The following AKR1C1 variants were observed in gnomAD, a reference collection of about 807,000 sequenced individuals.
AKR1C1 encodes the protein aldo-keto reductase family 1 member C1, also known as 20 alpha-hydroxysteroid dehydrogenase.
Under a neutral mutation model 40.6 loss-of-function variants are expected in AKR1C1, and 32 were observed. The observed-to-expected ratio is 0.79, with a 90% confidence interval of 0.60 to 1.06. The LOEUF is 1.06. Ranked by LOEUF, AKR1C1 falls within the 50% of genes least tolerant of loss-of-function variation. AKR1C1 has a pLI of 0.00. For missense variants in AKR1C1, 320 were observed against 363.5 expected, an observed-to-expected ratio of 0.88 and a Z score of 0.97; for synonymous variants, 105 against 134.2, an observed-to-expected ratio of 0.78 and a Z score of 1.50.
chr10:4,976,806 A>G (rs1361024027), intron 8 of AKR1C1, among the ~76,000 whole-genome samples: 2 of 152,184 alleles, frequency 1.3e-5, no homozygotes, highest in Admixed American at 6.5e-5. Flanking sequence ...AACAAGCACA[A>G]TGGTACATCA....
chr10:4,983,078 G>A lies in AKR1C1; in HGVS notation c.*5336G>A. 1 of 349,982 alleles carries A rather than the reference G, an allele frequency of 2.9e-6. No homozygotes were observed. The highest frequency in any genetic ancestry group is 2.3e-5 in the South Asian group (1 of 44,132). 21.7% of individuals were successfully genotyped at this position (349,982 alleles called of 1,614,324 possible). On this transcript the variant is annotated 3_prime_UTR_variant, in exon 9 of 9. Transcript: ENST00000380872. The stretch of plus-strand genomic sequence containing the variant: ...CTTGTGCTGAGGTGAAGCCTGGGCT[G>A]GATGGCTGGAGGATGAAGAACTGCA...
intron 2 of AKR1C1, among the ~76,000 whole-genome samples, chr10:4,966,586 G>T (rs1836337410): frequency 6.6e-6 from 1 of 152,166 alleles, no homozygotes; most frequent in African/African-American, 2.4e-5. Flanking sequence ...ACTTAATCTT[G>T]CCCATTGGGC....
intron 5 of AKR1C1, among the ~76,000 whole-genome samples, chr10:4,970,498 C>T (rs1298901134): frequency 6.6e-6 from 1 of 152,078 alleles, no homozygotes; most frequent in African/African-American, 2.4e-5. Context: ...AATTGCACCA[C>T]ACTAGACTGC....
chr10:4,965,746 A>G lies in AKR1C1; in HGVS notation c.85-168A>G, dbSNP rs188657910. ...GAAGTTCCTGCTGTGCCCAACCTTT[A>G]TTACTAACTGGGAAAGACCCAGGGA... On this transcript the variant is annotated intron_variant, in intron 1 of 8. Transcript: ENST00000380872. 118 of 737,926 alleles carry G rather than the reference A, an allele frequency of 1.6e-4. No homozygotes were observed. In the African/African-American group the frequency reaches 2.0e-3, roughly 12 times the overall value. The allele number at this position is 737,926 out of a possible 1,614,324, so 45.7% of individuals were successfully genotyped here.
intron 3 of AKR1C1, 115 bp downstream of exon 3, chr10:4,967,158 A>G: frequency 1.7e-6 from 2 of 1,173,992 alleles, no homozygotes; most frequent in South Asian, 1.5e-5. Flanking sequence ...ATAACATAGA[A>G]GAAGAATCCT....
chr10:4,964,965 C>A (rs1460075233), intron 1 of AKR1C1, among the ~76,000 whole-genome samples: 6 of 152,198 alleles, frequency 3.9e-5, no homozygotes, highest in Non-Finnish European at 2.9e-5. Context: ...CTGTAAGTAA[C>A]TGCTTGTGCA....
intron 3 of AKR1C1, chr10:4,967,644 A>G (rs1027661324): frequency 1.1e-6 from 1 of 891,192 alleles, no homozygotes. Flanking sequence ...TAGATATGAT[A>G]ATGGGAAATC....
At chr10:4,969,574 G>A in intron 5 of AKR1C1, 1 of 1,329,348 alleles carries the variant, frequency 7.5e-7, no homozygotes, top group Non-Finnish European at 1.1e-6. Context: ...ACATGGAGCT[G>A]ACCTATGACT....
chr10:4,970,780 A>T (rs1335750366), intron 5 of AKR1C1, among the ~76,000 whole-genome samples: 1 of 128,126 alleles, frequency 7.8e-6, no homozygotes, highest in Non-Finnish European at 1.6e-5. Context: ...TGGATACAGG[A>T]AGGGGAATAT....
chr10:4,970,956 A>G (rs1554769779), intron 5 of AKR1C1, among the ~76,000 whole-genome samples: 2 of 151,896 alleles, frequency 1.3e-5, no homozygotes, highest in East Asian at 1.9e-4. Flanking sequence ...AACTTAAAGT[A>G]TAATAAAAAA....
chr10:4,976,629 T>C (rs116587940), intron 8 of AKR1C1, among the ~76,000 whole-genome samples: 1 of 150,932 alleles, frequency 6.6e-6, no homozygotes, highest in African/African-American at 2.4e-5. Flanking sequence ...AGCACCATTG[T>C]TGGAGATAAT....
At chr10:4,965,206 GTA>G (rs71391983) in intron 1 of AKR1C1, among the ~76,000 whole-genome samples, 3,841 of 152,224 alleles carry the variant, frequency 0.025, 79 homozygotes, top group Non-Finnish European at 0.041. Flanking sequence ...AGCTTACACT[GTA>G]TTCCTTCATA....
At chr10:4,975,451 G>A (rs1199178176) in intron 7 of AKR1C1, among the ~76,000 whole-genome samples, 1 of 152,122 alleles carries the variant, frequency 6.6e-6, no homozygotes, top group African/African-American at 2.4e-5. Flanking sequence ...TATTATACCT[G>A]TTCATTGGAG....
rs1139140 is a variant in AKR1C1, at chr10:4,978,533, G to A, written c.*791G>A. The A allele has an allele frequency of 6.6e-6, 1 of 152,206 alleles. No homozygotes were observed. The highest frequency in any genetic ancestry group is 3.4e-3 in the Middle Eastern group (1 of 294). 9.4% of individuals were successfully genotyped at this position (152,206 alleles called of 1,614,324 possible). On this transcript the variant is annotated 3_prime_UTR_variant, in exon 9 of 9. Transcript: ENST00000380872. The stretch of plus-strand genomic sequence containing the variant: ...CCCATTCACAACGTTGACCCTATTG[G>A]TTTGTGGTGGGGCAGGGCATCAAAG...
chr10:4,982,670 C>T lies in AKR1C1; in HGVS notation c.*4928C>T. On this transcript the variant is annotated 3_prime_UTR_variant, in exon 9 of 9. Transcript: ENST00000380872. The stretch of plus-strand genomic sequence containing the variant: ...AGGAGCTTCATAGCCCCTCTTCCCC[C>T]ATTGCCTGAGAAACCACTTTCCCTG... 3.4e-6 allele frequency: 1 copy of T among 290,132 alleles called. No individual in the cohort carries two copies. The highest frequency in any genetic ancestry group is 1.2e-3 in the Middle Eastern group (1 of 842). The allele number at this position is 290,132 out of a possible 1,614,324, so 18.0% of individuals were successfully genotyped here. A position where few individuals can be genotyped will look rare whatever the true frequency, so the allele number is the denominator to read the frequency against.
Position 4,977,930 on chromosome 10 carries a change from A to T in AKR1C1, c.*188A>T, listed in dbSNP as rs557187046. 8 of 816,604 alleles carry T rather than the reference A, an allele frequency of 9.8e-6. No homozygotes were observed. In the East Asian group the frequency reaches 2.3e-4, roughly 24 times the overall value. 50.6% of individuals were successfully genotyped at this position (816,604 alleles called of 1,614,324 possible). A position where few individuals can be genotyped will look rare whatever the true frequency, so the allele number is the denominator to read the frequency against. ...CAATAATTTTGTTTTTTCATTTTGA[A>T]AAAATTAAATGCTCTCTCCTAAAGA... On this transcript the variant is annotated 3_prime_UTR_variant, in exon 9 of 9. Coordinates refer to ENST00000380872, the MANE Select transcript of AKR1C1 (RefSeq NM_001353.6).
intron 2 of AKR1C1, among the ~76,000 whole-genome samples, chr10:4,966,679 T>C (rs554785315): frequency 6.6e-6 from 1 of 152,254 alleles, no homozygotes; most frequent in Non-Finnish European, 1.5e-5. Flanking sequence ...GCTTATGATT[T>C]GATAACAACT....
At chr10:4,963,829 G>A (rs1836285971) in intron 1 of AKR1C1, 1 of 755,042 alleles carries the variant, frequency 1.3e-6, no homozygotes, top group Non-Finnish European at 2.4e-6. Flanking sequence ...CTGTTTCTTT[G>A]TATAGTCGAA....
At chr10:4,963,968 T>G (rs1836288958) in intron 1 of AKR1C1, 3 of 744,992 alleles carry the variant, frequency 4.0e-6, no homozygotes, top group African/African-American at 3.5e-5. Context: ...AGCACCACAC[T>G]GTAATACTAG....
Sources: gnomAD v4.1 joint callset for allele counts (sites outside exome capture counted in the v4.1 genomes callset) on GRCh38, gnomAD v4.1.1 for gene constraint, MANE v1.5 for transcripts, NCBI Gene and HGNC (gene_info 2026-07-23, HGNC 2026-07-21) for gene names.